TPCN1: variants seen among roughly 807,000 people sequenced by gnomAD.
TPCN1 encodes two pore segment channel 1.
TPCN1 carries 52 observed loss-of-function variants against 108.8 expected under a neutral mutation model. The ratio of observed to expected loss-of-function variants is 0.48; its 90% CI spans 0.38 to 0.60. TPCN1 has a LOEUF of 0.60. TPCN1 is among the 20% of genes least tolerant of loss of function. The probability of loss-of-function intolerance (pLI) is 0.00; values close to 1 mark genes in which losing one functional copy is unlikely to be tolerated. For synonymous variants in TPCN1, 446 were observed against 433.7 expected (o/e 1.03, Z -0.35); for missense variants, 806 against 1,072.8 (o/e 0.75, Z 3.47).
rs1320841363 is a variant in TPCN1 at position 113,277,261 on chromosome 12, A to G, written c.1081A>G (p.Arg361Gly). The change falls in exon 12 of 28, where the codon AGG (arginine) becomes GGG (glycine). Residue 361 changes from arginine to glycine, a missense_variant. Arg to Gly is a moderately radical substitution (Grantham distance 125). Transcript: ENST00000335509. ...SQRRPAGISY[R>G]QFEGLMRFYK... Reference sequence around the variant, plus strand: ...CCAGAGGCCTGCCGGCATCTCCTACAGGCAGTTTGAAGGCCTCATGCGCTT... The same window carrying G: ...CCAGAGGCCTGCCGGCATCTCCTACGGGCAGTTTGAAGGCCTCATGCGCTT... 1.9e-6 allele frequency: 3 copies of G among 1,613,696 alleles called. No individual in the cohort carries two copies. The highest frequency in any genetic ancestry group is 2.5e-6 in the Non-Finnish European group (3 of 1,179,826).
chr12:113,280,905 C>A (rs1300984116), intron 15 of TPCN1, among the ~76,000 whole-genome samples: 1 of 152,098 alleles, frequency 6.6e-6, no homozygotes, highest in African/African-American at 2.4e-5. Flanking sequence ...CTAGGCCTTT[C>A]CATGGACAGA....
At chr12:113,225,805 C>T (rs535055364) in intron 1 of TPCN1, among the ~76,000 whole-genome samples, 3 of 151,852 alleles carry the variant, frequency 2.0e-5, no homozygotes, top group South Asian at 2.1e-4. Flanking sequence ...CCGCCCGCCT[C>T]GGCCTCCCAA....
At chr12:113,277,060 G>T (rs1264112314) in intron 11 of TPCN1, 25 bp downstream of exon 11, 4 of 1,599,154 alleles carry the variant, frequency 2.5e-6, no homozygotes, top group Non-Finnish European at 3.4e-6. Context: ...CCAGGGAGGG[G>T]CTTGGTCCCT....
At chr12:113,239,839 T>G (rs750898354) in intron 2 of TPCN1, among the ~76,000 whole-genome samples, 3 of 152,122 alleles carry the variant, frequency 2.0e-5, no homozygotes, top group Non-Finnish European at 1.5e-5. Flanking sequence ...TTATCTCTCT[T>G]TTTGTTAGAT....
At chr12:113,225,708 C>T (rs774804610) in intron 1 of TPCN1, among the ~76,000 whole-genome samples, 1 of 152,040 alleles carries the variant, frequency 6.6e-6, no homozygotes, top group Non-Finnish European at 1.5e-5. Context: ...GCACGTGCCA[C>T]CCCGCCCAGC....
rs200546495 is a variant in TPCN1, at chr12:113,286,987, G to A, written c.1527G>A (p.Leu509=). The change falls in exon 19 of 28, where the codon TTG becomes TTA. Residue 509 remains leucine, a splice_region_variant and synonymous_variant. Coordinates refer to ENST00000335509, the MANE Select transcript of TPCN1 (RefSeq NM_017901.6). ...GACCTTGGCCTCTCCCCTACTGCAG[G>A]TTTGACTTCTCCGTGACAGTGTTCG... ...PVEYLSSGWN[L]FDFSVTVFAF... The A allele has an allele frequency of 9.3e-6, 15 of 1,613,282 alleles. No homozygotes were observed. Among genetic ancestry groups the A allele is most frequent in the African/African-American group, 2.7e-5 (2 of 75,030 alleles).
chr12:113,285,014 C>G (rs1158948173), intron 17 of TPCN1, among the ~76,000 whole-genome samples: 1 of 152,204 alleles, frequency 6.6e-6, no homozygotes, highest in Non-Finnish European at 1.5e-5. Context: ...TGCTGTTTGC[C>G]AGCGCCGTGT....
chr12:113,227,694 C>T (rs1016070398), intron 2 of TPCN1, among the ~76,000 whole-genome samples: 1 of 152,166 alleles, frequency 6.6e-6, no homozygotes, highest in South Asian at 2.1e-4. Context: ...GGTCCTAAGA[C>T]ATCAGGAAGC....
intron 1 of TPCN1, among the ~76,000 whole-genome samples, chr12:113,221,875 G>A (rs1953246071): frequency 6.6e-6 from 1 of 152,268 alleles, no homozygotes; most frequent in Non-Finnish European, 1.5e-5. Flanking sequence ...CAGGGGCTGG[G>A]AGCACGTGGA....
intron 3 of TPCN1, among the ~76,000 whole-genome samples, chr12:113,262,750 AG>A (rs898124494): frequency 6.6e-6 from 1 of 152,174 alleles, no homozygotes; most frequent in African/African-American, 2.4e-5. Context: ...AGGAACTTTA[AG>A]GGGGCACCTG....
Position 113,273,379 on chromosome 12 carries a change from C to T in TPCN1, c.842+89C>T, listed in dbSNP as rs1464767340. The T allele has an allele frequency of 6.9e-7, 1 of 1,452,444 alleles. No individual in the cohort carries two copies. Among genetic ancestry groups the T allele is most frequent in the Non-Finnish European group, 9.7e-7 (1 of 1,034,298 alleles). The allele number at this position is 1,452,444 out of a possible 1,614,324, so 90.0% of individuals were successfully genotyped here. On this transcript the variant is annotated intron_variant, in intron 9 of 27. Coordinates refer to ENST00000335509, the MANE Select transcript of TPCN1 (RefSeq NM_017901.6). The surrounding 1 kb of genome is among the most constrained non-coding windows in gnomAD (Gnocchi z 4.0). ...CTGCCAAGTATATTCCACATCCCAGCACAGGCAGGTGCTGTGGTGCTATTG... is the reference window on the plus strand; with the variant it reads ...CTGCCAAGTATATTCCACATCCCAGTACAGGCAGGTGCTGTGGTGCTATTG...
chr12:113,234,478 C>T (rs1184734934), intron 2 of TPCN1, among the ~76,000 whole-genome samples: 1 of 152,214 alleles, frequency 6.6e-6, no homozygotes, highest in African/African-American at 2.4e-5. Flanking sequence ...GCAGGTGACC[C>T]CTTATCAGGA....
chr12:113,228,323 C>T (rs1443958884), intron 2 of TPCN1, among the ~76,000 whole-genome samples: 15 of 152,176 alleles, frequency 9.9e-5, no homozygotes, highest in Non-Finnish European at 2.9e-5. Context: ...AATGTGAGCA[C>T]AGGCCAGGCG....
chr12:113,279,500 G>A (rs1200322998), intron 14 of TPCN1, among the ~76,000 whole-genome samples: 1 of 141,492 alleles, frequency 7.1e-6, no homozygotes, highest in Non-Finnish European at 1.5e-5. Flanking sequence ...CCAGATTCAA[G>A]CGATTCTCCT....
rs1956153548 is a variant in TPCN1, at chr12:113,288,255, G to A, written c.1706+21G>A. 1 of 1,613,476 alleles carries A rather than the reference G, an allele frequency of 6.2e-7. No homozygotes were observed. Among genetic ancestry groups the A allele is most frequent in the Non-Finnish European group, 8.5e-7 (1 of 1,179,866 alleles). On this transcript the variant is annotated intron_variant, in intron 20 of 27. Transcript: ENST00000335509. This position sits in a 1 kb window ranked among gnomAD's most constrained non-coding sequence, Gnocchi z 4.8. The stretch of plus-strand genomic sequence containing the variant: ...GCCAGGTACTGCCAGCCCCCACCCT[G>A]GCCTGCAGGTCCAGGTGCCGTGTGG...
At chr12:113,229,106 A>C (rs2136436554) in intron 2 of TPCN1, among the ~76,000 whole-genome samples, 1 of 152,364 alleles carries the variant, frequency 6.6e-6, no homozygotes, top group East Asian at 1.9e-4. Context: ...CCAGAGACAC[A>C]ATAAGACTCC....
rs1955571093 is a variant in TPCN1, at chr12:113,273,447, A to G, written c.843-122A>G. The G allele has an allele frequency of 1.6e-6, 2 of 1,235,120 alleles. No individual in the cohort carries two copies. The highest frequency in any genetic ancestry group is 3.0e-5 in the African/African-American group (2 of 67,398). 76.5% of individuals were successfully genotyped at this position (1,235,120 alleles called of 1,614,324 possible). On this transcript the variant is annotated intron_variant, in intron 9 of 27. Coordinates refer to ENST00000335509, the MANE Select transcript of TPCN1 (RefSeq NM_017901.6). This position sits in a 1 kb window ranked among gnomAD's most constrained non-coding sequence, Gnocchi z 4.0. Reference sequence around the variant, plus strand: ...ACTGAGCACGGAGCCCAGGGATGAGAGTAGGGGAACCAGGGTTGGAGGCTG... The same window carrying G: ...ACTGAGCACGGAGCCCAGGGATGAGGGTAGGGGAACCAGGGTTGGAGGCTG...
At chr12:113,227,293 G>C (rs1953507991) in intron 2 of TPCN1, among the ~76,000 whole-genome samples, 1 of 152,094 alleles carries the variant, frequency 6.6e-6, no homozygotes, top group Admixed American at 6.5e-5. Flanking sequence ...TGCCTTCCCT[G>C]CCCCATTCCT....
At chr12:113,222,687 T>C (rs1468461720) in intron 1 of TPCN1, among the ~76,000 whole-genome samples, 1 of 152,198 alleles carries the variant, frequency 6.6e-6, no homozygotes, top group South Asian at 2.1e-4. Context: ...GCAGATATCA[T>C]GAAAATTATG....
Sources: gnomAD v4.1 joint callset for allele counts (sites outside exome capture counted in the v4.1 genomes callset) on GRCh38, gnomAD v4.1.1 for gene constraint, Gnocchi (gnomAD v3.1) non-coding constraint, MANE v1.5 for transcripts, NCBI Gene and HGNC (gene_info 2026-07-23, HGNC 2026-07-21) for gene names.